Variants in ATP11C observed in about 807,000 individuals in gnomAD.
ATP11C encodes phospholipid-transporting ATPase IG.
A neutral mutation model predicts 97.4 loss-of-function variants in ATP11C; 36 were observed. The observed-to-expected ratio is 0.37, with a 90% CI of 0.28 to 0.49. The LOEUF (loss-of-function observed/expected upper bound fraction) is 0.49, where lower values mean the gene tolerates loss of function less well. Ranked by LOEUF, ATP11C falls within the 20% of genes least tolerant of loss-of-function variation. The pLI is 0.98. For missense variants in ATP11C, 730 were observed against 824.6 expected (o/e 0.89, Z 1.40); for synonymous variants, 275 against 290.9 (o/e 0.95, Z 0.56).
At chrX:139,830,895 C>T (rs772994813) in intron 1 of ATP11C, among the ~76,000 whole-genome samples, 22 of 110,935 alleles carry the variant, frequency 2.0e-4, no homozygotes, top group South Asian at 3.9e-4. Flanking sequence ...GTCAGCATTT[C>T]CATACTAGGG....
intron 1 of ATP11C, among the ~76,000 whole-genome samples, chrX:139,930,363 T>TAAA (rs113839593): frequency 1.1e-5 from 1 of 94,446 alleles, no homozygotes; most frequent in Non-Finnish European, 2.2e-5. Context: ...TTCAAATCCT[T>TAAA]AAAAAAAAAA....
chrX:139,819,325 A>G lies in ATP11C; in HGVS notation c.237+13T>C. ...GTTTCTAAAAGTTAAGTGGCTGTTT[A>G]AGGAGCTCTTACCTGTACAAGGAAG... On this transcript the variant is annotated intron_variant, in intron 3 of 29. Coordinates refer to ENST00000682941, the MANE Select transcript of ATP11C (RefSeq NM_001353812.2). 3 of 909,882 alleles carry G rather than the reference A, an allele frequency of 3.3e-6. No individual in the cohort carries two copies. Among genetic ancestry groups the G allele is most frequent in the Non-Finnish European group, 4.5e-6 (3 of 669,058 alleles). 75.0% of individuals were successfully genotyped at this position (909,882 alleles called of 1,213,427 possible).
chrX:139,806,437 A>T (rs963170124), intron 5 of ATP11C, among the ~76,000 whole-genome samples: 2 of 112,240 alleles, frequency 1.8e-5, no homozygotes, highest in African/African-American at 6.5e-5. Flanking sequence ...GAGGTTGCAA[A>T]GCAACCAAGT....
intron 2 of ATP11C, among the ~76,000 whole-genome samples, chrX:139,820,040 A>T (rs762369694): frequency 9.0e-6 from 1 of 111,559 alleles, no homozygotes; most frequent in South Asian, 3.8e-4. Context: ...AACAAAAATT[A>T]GCCGGGTGTG....
chrX:139,776,749 T>A (rs944956111), intron 18 of ATP11C, among the ~76,000 whole-genome samples: 1 of 111,565 alleles, frequency 9.0e-6, no homozygotes, highest in Admixed American at 9.5e-5. Context: ...ACCAAATAAA[T>A]AACTTGCTGC....
At chrX:139,926,826 G>A (rs910801279) in intron 1 of ATP11C, among the ~76,000 whole-genome samples, 1 of 112,390 alleles carries the variant, frequency 8.9e-6, no homozygotes, top group African/African-American at 3.2e-5. Flanking sequence ...GACAAAACCT[G>A]CTTTCACTTG....
At chrX:139,924,176 T>G (rs763934588) in intron 1 of ATP11C, 2 of 384,378 alleles carry the variant, frequency 5.2e-6, no homozygotes, top group Non-Finnish European at 1.0e-5. Context: ...CCAGCAAGTG[T>G]TGACGCTAAA....
intron 2 of ATP11C, among the ~76,000 whole-genome samples, chrX:139,819,969 T>A (rs1444124389): frequency 8.9e-6 from 1 of 111,879 alleles, no homozygotes; most frequent in Non-Finnish European, 1.9e-5. Flanking sequence ...GCAGATCACC[T>A]GAAGTCAGGA....
intron 6 of ATP11C, among the ~76,000 whole-genome samples, chrX:139,804,084 T>C (rs905026992): frequency 1.8e-5 from 2 of 111,603 alleles, no homozygotes; most frequent in Non-Finnish European, 3.8e-5. Context: ...AATGAAAATA[T>C]ACATTTTAGA....
At chrX:139,924,874 C>T (rs1032827187) in intron 1 of ATP11C, among the ~76,000 whole-genome samples, 4 of 111,837 alleles carry the variant, frequency 3.6e-5, no homozygotes, top group East Asian at 2.8e-4. Context: ...AGCCTTTTCC[C>T]GTTACTGACT....
chrX:139,830,364 T>C (rs2147892959), intron 1 of ATP11C, among the ~76,000 whole-genome samples: 1 of 112,357 alleles, frequency 8.9e-6, no homozygotes, highest in East Asian at 2.8e-4. Context: ...GCCATAATCT[T>C]GCACTATTTC....
intron 29 of ATP11C, among the ~76,000 whole-genome samples, chrX:139,730,749 T>A: frequency 9.0e-6 from 1 of 110,740 alleles, no homozygotes; most frequent in Non-Finnish European, 1.9e-5. Flanking sequence ...GTTTCCAAGC[T>A]GACAAGCTTG....
intron 17 of ATP11C, among the ~76,000 whole-genome samples, 195 bp downstream of exon 17, chrX:139,782,969 T>C (rs1225653306): frequency 8.9e-6 from 1 of 111,955 alleles, no homozygotes; most frequent in African/African-American, 3.2e-5. Flanking sequence ...AATTCTGACC[T>C]GAAACTTGCT....
chrX:139,741,036 A>G lies in ATP11C; in HGVS notation c.3089T>C (p.Leu1030Ser), dbSNP rs2081544375. The G allele has an allele frequency of 3.3e-6, 4 of 1,205,981 alleles. No homozygotes were observed. The highest frequency in any genetic ancestry group is 4.5e-6 in the Non-Finnish European group (4 of 891,996). The change falls in exon 27 of 30, where the codon TTA becomes TCA. Residue 1030 changes from leucine to serine, a missense_variant. Coordinates refer to ENST00000682941, the MANE Select transcript of ATP11C (RefSeq NM_001353812.2). Reference protein sequence around the residue: ...WINHFVIWGSLAFYVFFSFFW... With the variant: ...WINHFVIWGSSAFYVFFSFFW... ...GAATGAGAAAAATACATAGAAGGCT[A>G]AAGAACCCCAAATCACAAAGTGATT... is the stretch of plus-strand genomic sequence containing the variant.
At chrX:139,828,790 G>C (rs985149837) in intron 1 of ATP11C, among the ~76,000 whole-genome samples, 1 of 111,668 alleles carries the variant, frequency 9.0e-6, no homozygotes, top group East Asian at 2.8e-4. Flanking sequence ...TGTCAATATA[G>C]ATTTTTCCCC....
At position 139,919,444 on chromosome X, in the gene ATP11C, AACACACACACAC is replaced by A. The variant is rs370999462; in HGVS notation, c.27+12560_27+12571del. 4.9e-3 allele frequency among the ~76,000 whole-genome samples: 361 copies of A among 73,938 alleles called. 3 individuals are homozygous for A. In the South Asian group the frequency reaches 0.051, roughly 11 times the overall value. 64.2% of individuals were successfully genotyped at this position (73,938 alleles called of 115,157 possible). A position where few individuals can be genotyped will look rare whatever the true frequency, so the allele number is the denominator to read the frequency against. ...GATCGCAGCACTGCACTCAAACTTA[AACACACACACAC>A]ACACACACACACACACACACACACA... On this transcript the variant is annotated intron_variant, in intron 1 of 29. Coordinates refer to ENST00000682941, the MANE Select transcript of ATP11C (RefSeq NM_001353812.2).
At chrX:139,824,619 G>C (rs2083486569) in intron 2 of ATP11C, among the ~76,000 whole-genome samples, 1 of 111,261 alleles carries the variant, frequency 9.0e-6, no homozygotes, top group Non-Finnish European at 1.9e-5. Flanking sequence ...CCCAGGAGGC[G>C]GGGCTTGCAG....
chrX:139,825,611 C>G (rs755556605), intron 2 of ATP11C, among the ~76,000 whole-genome samples: 1 of 112,251 alleles, frequency 8.9e-6, no homozygotes, highest in African/African-American at 3.2e-5. Flanking sequence ...CCTGTCCTGA[C>G]CATATTTCAC....
intron 1 of ATP11C, among the ~76,000 whole-genome samples, chrX:139,895,271 GT>G (rs1215075718): frequency 1.8e-5 from 2 of 108,879 alleles, no homozygotes; most frequent in African/African-American, 3.3e-5. Flanking sequence ...TTTAGAATAA[GT>G]TTTTTTTTTA....
Sources: gnomAD v4.1 joint callset for allele counts (sites outside exome capture counted in the v4.1 genomes callset) on GRCh38, gnomAD v4.1.1 for gene constraint, MANE v1.5 for transcripts, NCBI Gene and HGNC (gene_info 2026-07-23, HGNC 2026-07-21) for gene names.